TMEM217: variants seen among roughly 807,000 people sequenced by gnomAD.
TMEM217 encodes transmembrane protein 217, also known as chromosome 6 open reading frame 128.
For missense variants in TMEM217, 204 were observed against 248.8 expected (o/e 0.82, Z 1.21); for synonymous variants, 76 against 88.3 (o/e 0.86, Z 0.78).
intron 1 of TMEM217, among the ~76,000 whole-genome samples, chr6:37,241,318 A>G (rs997049123): frequency 6.6e-6 from 1 of 152,006 alleles, no homozygotes; most frequent in Admixed American, 6.6e-5. Flanking sequence ...GTCAAAGAAA[A>G]AAAAGGTGGC....
At chr6:37,240,343 T>C (rs1468589902) in intron 1 of TMEM217, among the ~76,000 whole-genome samples, 1 of 152,186 alleles carries the variant, frequency 6.6e-6, no homozygotes, top group Non-Finnish European at 1.5e-5. Flanking sequence ...GGAAGTTTCA[T>C]CCAAGCTCGC....
chr6:37,218,302 G>A lies in TMEM217; in HGVS notation c.*120C>T, dbSNP rs539508266. The A allele has an allele frequency of 7.3e-5, 86 of 1,175,594 alleles. No homozygotes were observed. The South Asian group carries it at 1.3e-3, about 17-fold the overall frequency. 72.8% of individuals were successfully genotyped at this position (1,175,594 alleles called of 1,614,324 possible). A position where few individuals can be genotyped will look rare whatever the true frequency, so the allele number is the denominator to read the frequency against. On this transcript the variant is annotated 3_prime_UTR_variant, in exon 2 of 2. Transcript: ENST00000357219. ...TCCAGTCTCAGCCTCTCAAGTGGCTGGGATTACAGGTGTGTGCCGCCACGC... is the reference window on the plus strand; with the variant it reads ...TCCAGTCTCAGCCTCTCAAGTGGCTAGGATTACAGGTGTGTGCCGCCACGC...
intron 1 of TMEM217, among the ~76,000 whole-genome samples, chr6:37,235,066 TTA>T (rs1764418453): frequency 6.6e-6 from 1 of 152,330 alleles, no homozygotes; most frequent in South Asian, 2.1e-4. Flanking sequence ...TGCAAAATGG[TTA>T]AAGCTGGCAA....
intron 1 of TMEM217, among the ~76,000 whole-genome samples, chr6:37,232,177 C>A (rs577497909): frequency 6.6e-6 from 1 of 152,018 alleles, no homozygotes; most frequent in African/African-American, 2.4e-5. Flanking sequence ...TACAAAAGGA[C>A]GCTTCGTTCC....
chr6:37,253,974 T>A (rs1232045634), intron 1 of TMEM217, among the ~76,000 whole-genome samples: 1 of 152,192 alleles, frequency 6.6e-6, no homozygotes, highest in Non-Finnish European at 1.5e-5. Context: ...TGTTTAACCC[T>A]CTTTTGAATG....
chr6:37,243,820 T>C (rs1764918966), intron 1 of TMEM217, among the ~76,000 whole-genome samples: 1 of 152,152 alleles, frequency 6.6e-6, no homozygotes, highest in Non-Finnish European at 1.5e-5. Flanking sequence ...TGGTGCTGAC[T>C]GGTGGGGAAT....
chr6:37,242,289 C>T (rs903702027), intron 1 of TMEM217, among the ~76,000 whole-genome samples: 22 of 152,210 alleles, frequency 1.4e-4, no homozygotes, highest in Non-Finnish European at 2.5e-4. Flanking sequence ...CAGGCCCCCA[C>T]GGTGGGCAGA....
Position 37,257,953 on chromosome 6 carries a change from G to A in TMEM217, c.-397C>T, listed in dbSNP as rs1203240973. 2.5e-6 allele frequency: 4 copies of A among 1,614,038 alleles called. No homozygotes were observed. The South Asian group carries it at 3.3e-5, about 13-fold the overall frequency. ...AGAACAGCAAGCAGTTTTGGAAGAG[G>A]AGCGCTAAGCTGCCGGGGAGGTGAG... On this transcript the variant is annotated 5_prime_UTR_variant, in exon 1 of 2. Transcript: ENST00000357219.
At chr6:37,252,093 A>G (rs1283428874) in intron 1 of TMEM217, among the ~76,000 whole-genome samples, 1 of 152,150 alleles carries the variant, frequency 6.6e-6, no homozygotes, top group Non-Finnish European at 1.5e-5. Context: ...GGGTTTCTCC[A>G]TGTTGGTCAG....
At chr6:37,228,415 A>G (rs1054254536) in intron 1 of TMEM217, among the ~76,000 whole-genome samples, 3 of 152,230 alleles carry the variant, frequency 2.0e-5, no homozygotes, top group African/African-American at 7.2e-5. Flanking sequence ...TCAAAAAATA[A>G]TAATAAGGCC....
chr6:37,217,887 C>G lies in TMEM217; in HGVS notation c.*535G>C, dbSNP rs1231345497. Reference sequence around the variant, plus strand: ...TTCATCTTATTCCATTCATTTTGACCAATCAGGTGGTAGAAAGGTGAGTTC... The same window carrying G: ...TTCATCTTATTCCATTCATTTTGACGAATCAGGTGGTAGAAAGGTGAGTTC... On this transcript the variant is annotated 3_prime_UTR_variant, in exon 2 of 2. Transcript: ENST00000357219. 4 of 985,696 alleles carry G rather than the reference C, an allele frequency of 4.1e-6. No homozygotes were observed. The African/African-American group carries it at 7.0e-5, about 17-fold the overall frequency. 61.1% of individuals were successfully genotyped at this position (985,696 alleles called of 1,614,324 possible). A position where few individuals can be genotyped will look rare whatever the true frequency, so the allele number is the denominator to read the frequency against.
chr6:37,242,675 C>T (rs900453762), intron 1 of TMEM217, among the ~76,000 whole-genome samples: 1 of 152,172 alleles, frequency 6.6e-6, no homozygotes, highest in African/African-American at 2.4e-5. Context: ...GCTAAGCATT[C>T]CTTCTCATGT....
chr6:37,247,569 G>T (rs1765160523), intron 1 of TMEM217, among the ~76,000 whole-genome samples: 1 of 151,928 alleles, frequency 6.6e-6, no homozygotes, highest in African/African-American at 2.4e-5. Flanking sequence ...TGTATTTTTG[G>T]TAGAGATGGG....
chr6:37,216,800 G>A (rs1428926636), downstream of TMEM217, among the ~76,000 whole-genome samples: 1 of 152,176 alleles, frequency 6.6e-6, no homozygotes, highest in African/African-American at 2.4e-5. Context: ...AATGGAATAA[G>A]TGACCTTATA....
chr6:37,245,557 T>A (rs1365593890), intron 1 of TMEM217, among the ~76,000 whole-genome samples: 1 of 152,224 alleles, frequency 6.6e-6, no homozygotes, highest in Non-Finnish European at 1.5e-5. Flanking sequence ...CATTTTCAGC[T>A]ATAATACTAG....
At chr6:37,231,226 ATTTTTTTTTT>A (rs35394043) in intron 1 of TMEM217, among the ~76,000 whole-genome samples, 2 of 87,444 alleles carry the variant, frequency 2.3e-5, no homozygotes, top group African/African-American at 9.1e-5. Context: ...TGCCTGGCTA[ATTTTTTTTTT>A]TTTTTTTTTT....
At chr6:37,240,610 T>G (rs566865188) in intron 1 of TMEM217, among the ~76,000 whole-genome samples, 3 of 152,274 alleles carry the variant, frequency 2.0e-5, no homozygotes, top group African/African-American at 7.2e-5. Context: ...CAGGGGACTA[T>G]GGGGAGAGGA....
intron 1 of TMEM217, among the ~76,000 whole-genome samples, chr6:37,225,095 G>C (rs1463158539): frequency 6.6e-6 from 1 of 151,894 alleles, no homozygotes; most frequent in Non-Finnish European, 1.5e-5. Context: ...AGCTACTCCG[G>C]AGGCTGAGGT....
intron 1 of TMEM217, among the ~76,000 whole-genome samples, chr6:37,222,124 G>A (rs866905483): frequency 5.9e-5 from 9 of 152,178 alleles, no homozygotes; most frequent in South Asian, 2.1e-4. Context: ...GTCTTTTATG[G>A]ACCTCAGAAG....
Sources: allele counts gnomAD v4.1 joint callset (sites outside exome capture counted in the v4.1 genomes callset), GRCh38; gene constraint gnomAD v4.1.1; transcripts MANE v1.5; gene names NCBI Gene and HGNC (gene_info 2026-07-23, HGNC 2026-07-21).